KDM7A: variants seen among roughly 807,000 people sequenced by gnomAD.
KDM7A encodes lysine-specific demethylase 7A.
Under a neutral mutation model 114.8 loss-of-function variants are expected in KDM7A, and 28 were observed. That is an observed-to-expected ratio of 0.24 (90% CI 0.18 to 0.33). The LOEUF is 0.33. Ranked by LOEUF, KDM7A falls within the 10% of genes least tolerant of loss-of-function variation. The pLI is 1.00. For missense variants in KDM7A, 942 were observed against 1,142.5 expected, an observed-to-expected ratio of 0.82 and a Z score of 2.53; for synonymous variants, 423 against 397.8, an observed-to-expected ratio of 1.06 and a Z score of -0.75.
At chr7:140,105,601 C>T (rs1386209783) in intron 11 of KDM7A, among the ~76,000 whole-genome samples, 1 of 152,086 alleles carries the variant, frequency 6.6e-6, no homozygotes, top group African/African-American at 2.4e-5. Context: ...TATTGATTTG[C>T]GTATGTTGAA....
chr7:140,169,624 C>G (rs1049197782), intron 1 of KDM7A, among the ~76,000 whole-genome samples: 2 of 152,160 alleles, frequency 1.3e-5, no homozygotes, highest in African/African-American at 4.8e-5. Flanking sequence ...CTCCCGGTTT[C>G]AAGCCATTCT....
chr7:140,170,128 T>G (rs953896007), intron 1 of KDM7A, among the ~76,000 whole-genome samples: 1 of 152,118 alleles, frequency 6.6e-6, no homozygotes, highest in Admixed American at 6.5e-5. Context: ...TTGTAAAATA[T>G]TTCCTATCCC....
intron 11 of KDM7A, among the ~76,000 whole-genome samples, chr7:140,103,462 C>A (rs533145049): frequency 5.9e-5 from 9 of 151,902 alleles, no homozygotes; most frequent in Admixed American, 1.3e-4. Flanking sequence ...TCCCTCCCCC[C>A]CCCTCCAACC....
At chr7:140,164,996 A>T (rs62491435) in intron 1 of KDM7A, among the ~76,000 whole-genome samples, 9,396 of 152,288 alleles carry the variant, frequency 0.062, 372 homozygotes, top group Non-Finnish European at 0.09. Context: ...TTCCACCAAC[A>T]ATGCCATGTA....
chr7:140,118,807 C>T (rs1294702420), intron 9 of KDM7A, among the ~76,000 whole-genome samples: 1 of 152,076 alleles, frequency 6.6e-6, no homozygotes, highest in Non-Finnish European at 1.5e-5. Context: ...GGCACTGTTA[C>T]GTGCTTGATG....
rs1476356414 is a variant in KDM7A at position 140,171,578 on chromosome 7, TA to T, written c.194+5165del. ...ATTTATTTTTATATATTTATATATA[TA>T]TATTTTTATATAGTTGTATTTATAT... On this transcript the variant is annotated intron_variant, in intron 1 of 19. Coordinates refer to ENST00000397560, the MANE Select transcript of KDM7A (RefSeq NM_030647.2). 5.4e-4 allele frequency among the ~76,000 whole-genome samples: 78 copies of T among 144,200 alleles called. No individual in the cohort carries two copies. In the South Asian group the frequency reaches 9.7e-3, roughly 18 times the overall value. 94.6% of individuals were successfully genotyped at this position (144,200 alleles called of 152,430 possible). A position where few individuals can be genotyped will look rare whatever the true frequency, so the allele number is the denominator to read the frequency against.
intron 1 of KDM7A, among the ~76,000 whole-genome samples, chr7:140,160,115 G>A (rs975075796): frequency 2.0e-5 from 3 of 151,994 alleles, no homozygotes; most frequent in Non-Finnish European, 4.4e-5. Context: ...TCACTAACAC[G>A]ATTTAGCAGA....
chr7:140,132,943 T>C (rs1420918354), intron 3 of KDM7A, among the ~76,000 whole-genome samples: 1 of 152,230 alleles, frequency 6.6e-6, no homozygotes, highest in East Asian at 1.9e-4. Context: ...GCATTATCAC[T>C]TGAAATAGAT....
intron 1 of KDM7A, among the ~76,000 whole-genome samples, chr7:140,151,531 A>G (rs1794400536): frequency 2.0e-5 from 3 of 152,182 alleles, no homozygotes; most frequent in African/African-American, 7.2e-5. Context: ...TACAGAACTG[A>G]TTATTTTTTT....
At position 140,089,901 on chromosome 7, in the gene KDM7A, AT is replaced by A. The variant is rs1187844136; in HGVS notation, c.*1192del. On this transcript the variant is annotated 3_prime_UTR_variant, in exon 20 of 20. Transcript: ENST00000397560. ...ATACACACAAAAGATCTATTCCAAC[AT>A]GCTTGCTTCTATACAACTTAATGTA... The A allele has an allele frequency of 6.6e-6, 1 of 152,224 alleles. No homozygotes were observed. Among genetic ancestry groups the A allele is most frequent in the East Asian group, 1.9e-4 (1 of 5,204 alleles). The allele number at this position is 152,224 out of a possible 1,614,324, so 9.4% of individuals were successfully genotyped here.
At position 140,176,830 on chromosome 7, in the gene KDM7A, C is replaced by CG; in HGVS notation, c.107dup (p.Pro37AlafsTer40). The CG allele has an allele frequency of 1.5e-6, 2 of 1,336,988 alleles. No individual in the cohort carries two copies. The highest frequency in any genetic ancestry group is 2.0e-6 in the Non-Finnish European group (2 of 1,023,376). 82.8% of individuals were successfully genotyped at this position (1,336,988 alleles called of 1,614,324 possible). A position where few individuals can be genotyped will look rare whatever the true frequency, so the allele number is the denominator to read the frequency against. Reference sequence around the variant, plus strand: ...GCTGCCGGCACACACAGTACACGGGCGGGGGCGGCGGAGGCGCCGAGGCCC... The same window carrying CG: ...GCTGCCGGCACACACAGTACACGGGCGGGGGGCGGCGGAGGCGCCGAGGCCC... On this transcript the variant is annotated frameshift_variant, in exon 1 of 20. Transcript: ENST00000397560. LOFTEE classifies it high-confidence loss of function. The surrounding 1 kb of genome is among the most constrained non-coding windows in gnomAD (Gnocchi z 4.4).
chr7:140,100,732 A>T (rs1272513966), intron 12 of KDM7A, among the ~76,000 whole-genome samples: 11 of 57,006 alleles, frequency 1.9e-4, no homozygotes, highest in African/African-American at 7.8e-4. Flanking sequence ...ATATATATAT[A>T]TATATATATA....
chr7:140,111,320 A>G, intron 10 of KDM7A, 136 bp from the exon 11 acceptor site: 1 of 588,892 alleles, frequency 1.7e-6, no homozygotes, highest in South Asian at 2.1e-5. Context: ...CAGGTTTCAG[A>G]GTTCGTGTAG....
At chr7:140,140,633 G>T (rs747580580) in intron 1 of KDM7A, among the ~76,000 whole-genome samples, 4 of 152,084 alleles carry the variant, frequency 2.6e-5, no homozygotes, top group East Asian at 1.9e-4. Flanking sequence ...AATTAGCTGG[G>T]CACGATGGCC....
chr7:140,107,816 C>T (rs1818364938), intron 11 of KDM7A, among the ~76,000 whole-genome samples: 1 of 152,184 alleles, frequency 6.6e-6, no homozygotes, highest in Non-Finnish European at 1.5e-5. Context: ...TGAATGTTGG[C>T]CCGCCTTGCT....
At chr7:140,160,714 G>A (rs182066193) in intron 1 of KDM7A, among the ~76,000 whole-genome samples, 4 of 152,244 alleles carry the variant, frequency 2.6e-5, no homozygotes, top group African/African-American at 9.6e-5. Context: ...TTGCTTACGG[G>A]GTAAAGAATG....
In KDM7A at chr7:140,088,783, G is replaced by A. The variant is rs1205843102; in HGVS notation, c.*2311C>T. ...CCTTCACTTTAGAATTCCACACACGGGCTACTCCAAATTAGTACTTCTCAG... is the reference window on the plus strand; with the variant it reads ...CCTTCACTTTAGAATTCCACACACGAGCTACTCCAAATTAGTACTTCTCAG... On this transcript the variant is annotated 3_prime_UTR_variant, in exon 20 of 20. Transcript: ENST00000397560. 2.9e-6 allele frequency: 1 copy of A among 343,384 alleles called. No individual in the cohort carries two copies. Among genetic ancestry groups the A allele is most frequent in the East Asian group, 4.4e-5 (1 of 22,692 alleles). 21.3% of individuals were successfully genotyped at this position (343,384 alleles called of 1,614,324 possible). A position where few individuals can be genotyped will look rare whatever the true frequency, so the allele number is the denominator to read the frequency against.
At chr7:140,145,820 T>C (rs915528445) in intron 1 of KDM7A, among the ~76,000 whole-genome samples, 21 of 152,134 alleles carry the variant, frequency 1.4e-4, no homozygotes, top group Non-Finnish European at 1.2e-4. Context: ...AATGTTTAGA[T>C]GTGTCCTGAA....
At chr7:140,138,682 C>T (rs1055366932) in intron 2 of KDM7A, among the ~76,000 whole-genome samples, 1 of 152,204 alleles carries the variant, frequency 6.6e-6, no homozygotes, top group African/African-American at 2.4e-5. Flanking sequence ...CTTATCAATG[C>T]TCTCATTTTC....
Sources: allele counts gnomAD v4.1 joint callset (sites outside exome capture counted in the v4.1 genomes callset), GRCh38; gene constraint gnomAD v4.1.1; non-coding constraint Gnocchi (gnomAD v3.1); transcripts MANE v1.5; gene names NCBI Gene and HGNC (gene_info 2026-07-23, HGNC 2026-07-21).